Variants in ROCK1 observed in about 807,000 individuals in gnomAD.
ROCK1 encodes the protein Rho associated coiled-coil containing protein kinase 1.
In ROCK1, 36 loss-of-function variants were observed where a neutral mutation model predicts 196.8. The ratio of observed to expected loss-of-function variants is 0.18; its 90% CI spans 0.14 to 0.24. The LOEUF is 0.24. Among genes scored for constraint, ROCK1 ranks in the 10% least tolerant of loss-of-function variants. ROCK1 has a pLI of 1.00. For synonymous variants in ROCK1, 443 were observed against 515.9 expected, an observed-to-expected ratio of 0.86 and a Z score of 1.91; for missense variants, 920 against 1,562.0, an observed-to-expected ratio of 0.59 and a Z score of 6.93.
Position 21,111,146 on chromosome 18 carries a change from C to A in ROCK1, c.-236G>T. ...CGGACGCCCAAAGTCGCATCCCACCCGGCAGCCCCTCACGACAGCCGACAG... is the reference window on the plus strand; with the variant it reads ...CGGACGCCCAAAGTCGCATCCCACCAGGCAGCCCCTCACGACAGCCGACAG... On this transcript the variant is annotated 5_prime_UTR_variant, in exon 1 of 33. Coordinates refer to ENST00000399799, the MANE Select transcript of ROCK1 (RefSeq NM_005406.3). This position sits in a 1 kb window ranked among gnomAD's most constrained non-coding sequence, Gnocchi z 4.2. The A allele has an allele frequency of 1.8e-6, 1 of 569,090 alleles. No individual in the cohort carries two copies. Among genetic ancestry groups the A allele is most frequent in the South Asian group, 2.1e-5 (1 of 46,584 alleles). 35.3% of individuals were successfully genotyped at this position (569,090 alleles called of 1,614,324 possible).
chr18:20,976,828 A>G (rs1200654578), intron 22 of ROCK1, among the ~76,000 whole-genome samples: 3 of 152,136 alleles, frequency 2.0e-5, no homozygotes, highest in African/African-American at 7.2e-5. Flanking sequence ...TGAAATTAAA[A>G]TAATCTTCTC....
At chr18:21,068,683 T>C (rs1023077747) in intron 2 of ROCK1, among the ~76,000 whole-genome samples, 12 of 152,224 alleles carry the variant, frequency 7.9e-5, no homozygotes, top group Admixed American at 5.9e-4. Context: ...ACACATATTT[T>C]GTCAAATTTA....
chr18:20,965,622 T>TG (rs2035367265), intron 27 of ROCK1, among the ~76,000 whole-genome samples: 1 of 152,158 alleles, frequency 6.6e-6, no homozygotes, highest in Admixed American at 6.6e-5. Flanking sequence ...GATGATTAAG[T>TG]CTAACTTTAG....
intron 13 of ROCK1, among the ~76,000 whole-genome samples, chr18:21,008,922 GTATAAGGAGTGTATGATTCTCTCATTT>G (rs1464709248): frequency 6.6e-6 from 1 of 152,040 alleles, no homozygotes; most frequent in Non-Finnish European, 1.5e-5. Flanking sequence ...ATTCTCACTG[GTATAAGGAGTGTATGATTCTCTCATTT>G]TATCACATAT....
chr18:20,954,895 T>C lies in ROCK1; in HGVS notation c.3741A>G (p.Lys1247=). The C allele has an allele frequency of 6.2e-7, 1 of 1,613,882 alleles. No individual in the cohort carries two copies. The highest frequency in any genetic ancestry group is 1.3e-5 in the African/African-American group (1 of 75,024). The part of the protein sequence containing the change: ...HFPANCDACA[K]PLWHVFKPPP... Reference sequence around the variant, plus strand: ...GTGGCTTAAAAACATGCCAGAGAGGTTTGGCACAGGCATCACAATTGGCAG... The same window carrying C: ...GTGGCTTAAAAACATGCCAGAGAGGCTTGGCACAGGCATCACAATTGGCAG... The change falls in exon 31 of 33, where the codon AAA becomes AAG. Residue 1247 remains lysine, a synonymous_variant. Coordinates refer to ENST00000399799, the MANE Select transcript of ROCK1 (RefSeq NM_005406.3).
At chr18:21,008,854 T>A (rs1028181099) in intron 13 of ROCK1, among the ~76,000 whole-genome samples, 1 of 152,164 alleles carries the variant, frequency 6.6e-6, no homozygotes, top group African/African-American at 2.4e-5. Flanking sequence ...GCCCTTCCAC[T>A]CAGCTTCCCC....
intron 1 of ROCK1, among the ~76,000 whole-genome samples, chr18:21,080,538 G>A (rs2036474476): frequency 6.6e-6 from 1 of 152,074 alleles, no homozygotes; most frequent in African/African-American, 2.4e-5. Context: ...AAACTACAGA[G>A]ACTGACAAAA....
intron 1 of ROCK1, among the ~76,000 whole-genome samples, chr18:21,081,993 C>A (rs1488638276): frequency 9.9e-5 from 15 of 152,006 alleles, no homozygotes; most frequent in Admixed American, 3.9e-4. Context: ...ACTCTGTTGC[C>A]CAGGGTGAAG....
rs1353306825 is a variant in ROCK1 at position 20,950,684 on chromosome 18, T to C, written c.*700A>G. 1.3e-5 allele frequency: 2 copies of C among 152,524 alleles called. No homozygotes were observed. The highest frequency in any genetic ancestry group is 2.9e-5 in the Non-Finnish European group (2 of 68,016). The allele number at this position is 152,524 out of a possible 1,614,324, so 9.4% of individuals were successfully genotyped here. On this transcript the variant is annotated 3_prime_UTR_variant, in exon 33 of 33. Coordinates refer to ENST00000399799, the MANE Select transcript of ROCK1 (RefSeq NM_005406.3). The stretch of plus-strand genomic sequence containing the variant: ...TAGTAGTAAAATAACTCAATATGGC[T>C]TGGCAAAAATGCATAGATTAAATGT...
chr18:21,065,144 G>C (rs1284149753), intron 2 of ROCK1, among the ~76,000 whole-genome samples: 1 of 152,168 alleles, frequency 6.6e-6, no homozygotes, highest in Non-Finnish European at 1.5e-5. Flanking sequence ...TGAATGCTTT[G>C]TCTCAAGGTC....
At chr18:20,972,953 C>T (rs981044240) in intron 22 of ROCK1, among the ~76,000 whole-genome samples, 1 of 152,216 alleles carries the variant, frequency 6.6e-6, no homozygotes, top group Non-Finnish European at 1.5e-5. Context: ...GATCTTGGCT[C>T]ACTGCAAACT....
intron 1 of ROCK1, among the ~76,000 whole-genome samples, chr18:21,078,825 G>A (rs779335219): frequency 3.2e-4 from 49 of 151,934 alleles, no homozygotes; most frequent in Non-Finnish European, 5.6e-4. Flanking sequence ...TCCTTTTCTC[G>A]GGCCTCCTCC....
chr18:20,958,811 AGTT>A (rs1465827226), intron 29 of ROCK1, among the ~76,000 whole-genome samples: 11 of 143,106 alleles, frequency 7.7e-5, no homozygotes, highest in African/African-American at 2.3e-4. Flanking sequence ...CGATGTAAAC[AGTT>A]GTTATACTGT....
At chr18:20,989,936 AC>A (rs1241275656) in intron 18 of ROCK1, among the ~76,000 whole-genome samples, 1 of 152,054 alleles carries the variant, frequency 6.6e-6, no homozygotes, top group African/African-American at 2.4e-5. Context: ...GAAACTTATG[AC>A]CGATATGTTC....
intron 1 of ROCK1, among the ~76,000 whole-genome samples, chr18:21,086,983 T>C (rs1448801287): frequency 1.3e-5 from 2 of 151,716 alleles, no homozygotes; most frequent in Non-Finnish European, 1.5e-5. Context: ...AAAATTATAA[T>C]GTTGCTTGTT....
intron 16 of ROCK1, among the ~76,000 whole-genome samples, chr18:20,995,320 G>A (rs1169243007): frequency 2.0e-5 from 3 of 152,114 alleles, no homozygotes; most frequent in Non-Finnish European, 4.4e-5. Flanking sequence ...ATAAAACAGG[G>A]GGAGGCAGAG....
chr18:20,956,714 A>G (rs2143325073), intron 29 of ROCK1, among the ~76,000 whole-genome samples: 1 of 152,322 alleles, frequency 6.6e-6, no homozygotes, highest in Non-Finnish European at 1.5e-5. Context: ...GATCCTCATT[A>G]AAAGACACCA....
chr18:20,984,421 T>C lies in ROCK1; in HGVS notation c.2419A>G (p.Met807Val). ...ADNLKGLEKQ[M>V]KQEINTLLEA... ...AATAAAGTATTTATTTCCTGTTTCA[T>C]CTGCTTTTCTAAACCTTTTAAATTG... Residue 807 changes from methionine to valine, a missense_variant, in exon 20 of 33, where the codon ATG becomes GTG. By Grantham distance (21) the Met-to-Val change is conservative. Around this residue, in one of 6 missense-constraint regions of ROCK1, gnomAD observed 520 missense variants for 657.1 expected, o/e 0.79. Coordinates refer to ENST00000399799, the MANE Select transcript of ROCK1 (RefSeq NM_005406.3). 1.2e-6 allele frequency: 2 copies of C among 1,612,946 alleles called. No individual in the cohort carries two copies. Among genetic ancestry groups the C allele is most frequent in the Non-Finnish European group, 1.7e-6 (2 of 1,179,444 alleles).
chr18:21,042,085 A>G lies in ROCK1; in HGVS notation c.959+12T>C. 11 of 1,596,966 alleles carry G rather than the reference A, an allele frequency of 6.9e-6. No homozygotes were observed. Among genetic ancestry groups the G allele is most frequent in the Non-Finnish European group, 9.4e-6 (11 of 1,175,048 alleles). ...TCAGAATTAATACAGGCTCAGTTTT[A>G]AAATTATTTACCTGTCAGTAAGGAA... On this transcript the variant is annotated intron_variant, in intron 8 of 32. Transcript: ENST00000399799.
Sources: allele counts gnomAD v4.1 joint callset (sites outside exome capture counted in the v4.1 genomes callset), GRCh38; gene constraint gnomAD v4.1.1; regional missense constraint gnomAD v4.1.1; non-coding constraint Gnocchi (gnomAD v3.1); transcripts MANE v1.5; gene names NCBI Gene and HGNC (gene_info 2026-07-23, HGNC 2026-07-21).